Variants in ARHGEF33 observed in about 807,000 individuals in gnomAD.
ARHGEF33 encodes Rho guanine nucleotide exchange factor 33, also known as DH and coiled-coil domain-containing protein ENSP00000381780.
In ARHGEF33, 72 loss-of-function variants were observed where a neutral mutation model predicts 101.9. That is an observed-to-expected ratio of 0.71 (90% CI 0.58 to 0.86). The LOEUF is 0.86. Among genes scored for constraint, ARHGEF33 ranks in the 40% least tolerant of loss-of-function variants. The probability of loss-of-function intolerance (pLI) is 0.00; values close to 1 mark genes in which losing one functional copy is unlikely to be tolerated. For missense variants in ARHGEF33, 1,169 were observed against 1,111.3 expected (o/e 1.05, Z -0.74); for synonymous variants, 499 against 442.5 (o/e 1.13, Z -1.60).
At chr2:38,918,459 C>G (rs773899956) in intron 2 of ARHGEF33, among the ~76,000 whole-genome samples, 1 of 152,104 alleles carries the variant, frequency 6.6e-6, no homozygotes, top group Non-Finnish European at 1.5e-5. Context: ...CTGATCAAGT[C>G]TCATAAGGCA....
rs936766860 is a variant in ARHGEF33 at position 38,974,174 on chromosome 2, T to C, written c.*331T>C. ...AATGAAAACTTCCAACTTGAAGTCA[T>C]TCCCCGAGTATAATACTGAGCATGT... On this transcript the variant is annotated 3_prime_UTR_variant, in exon 18 of 18. Transcript: ENST00000409978. 8.5e-5 allele frequency: 13 copies of C among 153,026 alleles called. No homozygotes were observed. The highest frequency in any genetic ancestry group is 2.9e-4 in the African/African-American group (12 of 41,572). 9.5% of individuals were successfully genotyped at this position (153,026 alleles called of 1,614,324 possible).
intron 9 of ARHGEF33, among the ~76,000 whole-genome samples, chr2:38,942,382 G>A (rs747631882): frequency 6.6e-6 from 1 of 150,820 alleles, no homozygotes; most frequent in Non-Finnish European, 1.5e-5. Flanking sequence ...GGCAAGTCTC[G>A]ACGTCTTGAC....
chr2:38,903,033 C>T (rs1366168937), intron 2 of ARHGEF33, among the ~76,000 whole-genome samples: 1 of 152,164 alleles, frequency 6.6e-6, no homozygotes, highest in South Asian at 2.1e-4. Flanking sequence ...GAGATAGGAA[C>T]GAAATAGGCC....
intron 9 of ARHGEF33, among the ~76,000 whole-genome samples, chr2:38,938,555 T>C (rs766123746): frequency 1.3e-5 from 2 of 152,132 alleles, no homozygotes; most frequent in African/African-American, 2.4e-5. Flanking sequence ...ATAAAAGTTT[T>C]ACACTATTTT....
At chr2:38,956,369 T>C (rs772441232) in intron 13 of ARHGEF33, among the ~76,000 whole-genome samples, 2 of 152,200 alleles carry the variant, frequency 1.3e-5, no homozygotes, top group Non-Finnish European at 1.5e-5. Context: ...TTAAATGAGA[T>C]AATATACATA....
chr2:38,895,334 C>G (rs1666096775), intron 1 of ARHGEF33, among the ~76,000 whole-genome samples: 1 of 152,184 alleles, frequency 6.6e-6, no homozygotes, highest in Non-Finnish European at 1.5e-5. Context: ...AAACCTATTA[C>G]AAACACATTT....
At chr2:38,913,783 T>C (rs552558839) in intron 2 of ARHGEF33, among the ~76,000 whole-genome samples, 17 of 131,016 alleles carry the variant, frequency 1.3e-4, no homozygotes, top group Non-Finnish European at 8.4e-5. Flanking sequence ...AAAAAAAAAA[T>C]AAAAAGAATA....
At chr2:38,904,770 GGAACAAAA>G (rs1666351266) in intron 2 of ARHGEF33, among the ~76,000 whole-genome samples, 1 of 151,676 alleles carries the variant, frequency 6.6e-6, no homozygotes, top group African/African-American at 2.4e-5. Flanking sequence ...TTTTTGAGCA[GGAACAAAA>G]GATCATGTAA....
intron 8 of ARHGEF33, 78 bp from the exon 9 acceptor site, chr2:38,937,257 G>GT: frequency 1.4e-6 from 1 of 732,986 alleles, no homozygotes; most frequent in South Asian, 1.7e-5. Flanking sequence ...GCCTCCGAAA[G>GT]TGGTAACAAA....
intron 2 of ARHGEF33, among the ~76,000 whole-genome samples, chr2:38,901,901 G>A (rs1397926655): frequency 2.6e-5 from 4 of 152,096 alleles, no homozygotes; most frequent in African/African-American, 4.8e-5. Context: ...GGATCACAAG[G>A]TCAGGAGATC....
At chr2:38,935,400 A>C (rs757929407) in intron 7 of ARHGEF33, among the ~76,000 whole-genome samples, 4 of 151,840 alleles carry the variant, frequency 2.6e-5, no homozygotes, top group Non-Finnish European at 5.9e-5. Context: ...GAGTTTTGTC[A>C]TGCTGCCCAG....
rs143718766 is a variant in ARHGEF33, at chr2:38,967,606, G to C, written c.2483+1461G>C. Among the ~76,000 whole-genome samples the C allele has an allele frequency of 5.4e-3, 817 of 152,172 alleles. 7 individuals carry two copies. The highest frequency in any genetic ancestry group is 0.018 in the African/African-American group (764 of 41,522). ...CTGAATCTTTCTTGAGACGGAGTCT[G>C]GCTCTGCTGCCCAGGCTGGAGTGCA... On this transcript the variant is annotated intron_variant, in intron 17 of 17. Transcript: ENST00000409978.
chr2:38,957,972 A>ATG, intron 14 of ARHGEF33, 62 bp from the exon 15 acceptor site: 3 of 1,520,848 alleles, frequency 2.0e-6, no homozygotes, highest in Non-Finnish European at 2.7e-6. Flanking sequence ...TTGGCATAAT[A>ATG]TGTGTTCAGA....
intron 4 of ARHGEF33, 56 bp downstream of exon 4, chr2:38,921,479 AT>A: frequency 8.7e-7 from 1 of 1,150,784 alleles, no homozygotes; most frequent in Non-Finnish European, 1.3e-6. Context: ...ATGACTGACT[AT>A]TCTTTATGTG....
intron 15 of ARHGEF33, among the ~76,000 whole-genome samples, chr2:38,958,957 C>T (rs1265344521): frequency 6.6e-6 from 1 of 152,198 alleles, no homozygotes; most frequent in African/African-American, 2.4e-5. Context: ...GTTGGCCAGG[C>T]TGGTCTCAAA....
At chr2:38,942,713 G>A (rs530740559) in intron 9 of ARHGEF33, among the ~76,000 whole-genome samples, 2 of 151,750 alleles carry the variant, frequency 1.3e-5, no homozygotes, top group Non-Finnish European at 2.9e-5. Flanking sequence ...TTTCTTCAGG[G>A]TCCCCCCTCC....
chr2:38,910,549 GACACAGCAAGACTCCATCTCTACAA>G (rs2124985604), intron 2 of ARHGEF33, among the ~76,000 whole-genome samples: 1 of 152,280 alleles, frequency 6.6e-6, no homozygotes, highest in East Asian at 1.9e-4. Flanking sequence ...CAACCTGGGT[GACACAGCAAGACTCCATCTCTACAA>G]AAAAAGAAAA....
intron 13 of ARHGEF33, among the ~76,000 whole-genome samples, chr2:38,956,461 G>C (rs1667769374): frequency 6.6e-6 from 1 of 152,194 alleles, no homozygotes; most frequent in Non-Finnish European, 1.5e-5. Flanking sequence ...TTCCACTACA[G>C]CACAGCGGGG....
intron 10 of ARHGEF33, among the ~76,000 whole-genome samples, chr2:38,947,203 G>C (rs1267419610): frequency 1.3e-5 from 2 of 152,146 alleles, no homozygotes; most frequent in Non-Finnish European, 2.9e-5. Context: ...TCAAGCCTGA[G>C]GTGGCCACAT....
Sources: gnomAD v4.1 joint callset for allele counts (sites outside exome capture counted in the v4.1 genomes callset) on GRCh38, gnomAD v4.1.1 for gene constraint, MANE v1.5 for transcripts, NCBI Gene and HGNC (gene_info 2026-07-23, HGNC 2026-07-21) for gene names.